KCNQ5: variants seen among roughly 807,000 people sequenced by gnomAD.
KCNQ5 encodes the protein potassium voltage-gated channel subfamily Q member 5, also known as potassium voltage-gated channel subfamily KQT member 5.
KCNQ5 carries 30 observed loss-of-function variants against 98.2 expected under a neutral mutation model. That is an observed-to-expected ratio of 0.31 (90% CI 0.23 to 0.41). KCNQ5 has a LOEUF of 0.41. Ranked by LOEUF, KCNQ5 falls within the 10% of genes least tolerant of loss-of-function variation. KCNQ5 has a pLI of 1.00. For missense variants in KCNQ5, 835 were observed against 1,182.5 expected (o/e 0.71, Z 4.31); for synonymous variants, 458 against 449.4 (o/e 1.02, Z -0.24).
Position 72,897,052 on chromosome 6 carries a change from A to G in KCNQ5, c.399-106856A>G, listed in dbSNP as rs567897739. 2.8e-4 allele frequency among the ~76,000 whole-genome samples: 42 copies of G among 152,218 alleles called. 1 individual carries two copies. The South Asian group carries it at 7.9e-3, about 29-fold the overall frequency. On this transcript the variant is annotated intron_variant, in intron 1 of 13. Transcript: ENST00000370398. ...GGAGGTCATTCCGAGCAACATGAAA[A>G]GCAAGAAGAAGAGCCCCAACATAGA...
At chr6:72,948,545 T>C (rs545082556) in intron 1 of KCNQ5, among the ~76,000 whole-genome samples, 2 of 152,276 alleles carry the variant, frequency 1.3e-5, no homozygotes, top group Non-Finnish European at 2.9e-5. Flanking sequence ...TCTCAAGGTA[T>C]GTATTATAAG....
intron 1 of KCNQ5, among the ~76,000 whole-genome samples, chr6:72,778,048 A>C (rs1561976976): frequency 6.6e-6 from 1 of 152,200 alleles, no homozygotes. Flanking sequence ...GGTAAGAGAA[A>C]AACATGAACG....
At chr6:72,811,026 G>A (rs141214331) in intron 1 of KCNQ5, among the ~76,000 whole-genome samples, 2 of 152,270 alleles carry the variant, frequency 1.3e-5, no homozygotes, top group East Asian at 3.9e-4. Context: ...AAAAAGGCAG[G>A]AAAATGTCTT....
At chr6:73,150,296 A>C (rs974530827) in intron 10 of KCNQ5, among the ~76,000 whole-genome samples, 1 of 151,838 alleles carries the variant, frequency 6.6e-6, no homozygotes, top group Admixed American at 6.6e-5. Flanking sequence ...AAAACTATTC[A>C]GTTAGTTACT....
intron 2 of KCNQ5, among the ~76,000 whole-genome samples, chr6:73,013,853 C>T (rs932049994): frequency 1.3e-5 from 2 of 152,128 alleles, no homozygotes; most frequent in African/African-American, 2.4e-5. Context: ...AACACTTTTA[C>T]TTAGGATGCT....
chr6:73,026,314 C>T (rs561371373), intron 2 of KCNQ5, among the ~76,000 whole-genome samples: 7 of 152,346 alleles, frequency 4.6e-5, no homozygotes, highest in African/African-American at 1.7e-4. Context: ...ATCCTCACCT[C>T]CTATCCCTCT....
chr6:73,145,898 C>T (rs146727468), intron 10 of KCNQ5, among the ~76,000 whole-genome samples: 1 of 152,218 alleles, frequency 6.6e-6, no homozygotes, highest in Non-Finnish European at 1.5e-5. Context: ...GGGAAGGAAG[C>T]GTGTCTTTAC....
rs544272165 is a variant in KCNQ5 at position 73,091,993 on chromosome 6, T to C, written c.919-13264T>C. 1.9e-3 allele frequency among the ~76,000 whole-genome samples: 283 copies of C among 152,266 alleles called. 1 individual carries two copies. Among genetic ancestry groups the C allele is most frequent in the Non-Finnish European group, 3.4e-3 (230 of 68,016 alleles). Reference sequence around the variant, plus strand: ...GATATGTTTCCATTTGTTTGTGTCATCTATGATTTCTTTCAGCAGTGTTTT... The same window carrying C: ...GATATGTTTCCATTTGTTTGTGTCACCTATGATTTCTTTCAGCAGTGTTTT... On this transcript the variant is annotated intron_variant, in intron 5 of 13. Transcript: ENST00000370398.
intron 1 of KCNQ5, among the ~76,000 whole-genome samples, chr6:72,746,063 GC>G (rs1771381993): frequency 2.1e-5 from 1 of 48,430 alleles, no homozygotes; most frequent in African/African-American, 9.7e-5. Flanking sequence ...GACTCTATTT[GC>G]AAAAAAAAAA....
chr6:73,114,845 G>A (rs1775418812), intron 7 of KCNQ5, among the ~76,000 whole-genome samples: 2 of 152,168 alleles, frequency 1.3e-5, no homozygotes, highest in Admixed American at 6.5e-5. Flanking sequence ...ATGTTGCTTT[G>A]ATGCCAACTG....
At chr6:72,662,620 A>G (rs12191848) in intron 1 of KCNQ5, among the ~76,000 whole-genome samples, 26,210 of 151,732 alleles carry the variant, frequency 0.17, 2,349 homozygotes, top group Middle Eastern at 0.27. Flanking sequence ...TTTTTTTACA[A>G]TACCTAAGTA....
chr6:72,981,849 G>A (rs183372756), intron 1 of KCNQ5, among the ~76,000 whole-genome samples: 4 of 152,038 alleles, frequency 2.6e-5, no homozygotes, highest in East Asian at 1.9e-4. Flanking sequence ...AGAGATTCTG[G>A]TTGTGTCTTT....
At chr6:72,972,090 G>A (rs573638873) in intron 1 of KCNQ5, among the ~76,000 whole-genome samples, 1 of 152,280 alleles carries the variant, frequency 6.6e-6, no homozygotes. Context: ...TGGGGTCAAA[G>A]GCTGTATTGC....
At chr6:73,172,362 CAAAAAT>C (rs140148151) in intron 11 of KCNQ5, among the ~76,000 whole-genome samples, 8 of 151,714 alleles carry the variant, frequency 5.3e-5, no homozygotes, top group African/African-American at 1.9e-4. Context: ...GACTCTGTCT[CAAAAAT>C]AAAAATAAAA....
intron 1 of KCNQ5, among the ~76,000 whole-genome samples, chr6:72,709,955 T>C (rs1461246915): frequency 6.6e-6 from 1 of 152,114 alleles, no homozygotes; most frequent in Non-Finnish European, 1.5e-5. Flanking sequence ...AATATTATCA[T>C]GGTGGGTGGT....
At chr6:72,744,736 G>A (rs371033440) in intron 1 of KCNQ5, among the ~76,000 whole-genome samples, 35 of 151,998 alleles carry the variant, frequency 2.3e-4, no homozygotes, top group South Asian at 6.3e-4. Flanking sequence ...ACTTGAACCC[G>A]GGAGGCAGAG....
At chr6:72,759,384 G>GA (rs1772136747) in intron 1 of KCNQ5, among the ~76,000 whole-genome samples, 1 of 152,086 alleles carries the variant, frequency 6.6e-6, no homozygotes, top group African/African-American at 2.4e-5. Flanking sequence ...TACAGTAGAA[G>GA]AAAAAATGGT....
rs111597711 is a variant in KCNQ5 at position 72,732,833 on chromosome 6, C to T, written c.398+110246C>T. 1.8e-3 allele frequency among the ~76,000 whole-genome samples: 270 copies of T among 152,224 alleles called. 1 individual carries two copies. The highest frequency in any genetic ancestry group is 6.1e-3 in the African/African-American group (252 of 41,538). On this transcript the variant is annotated intron_variant, in intron 1 of 13. Transcript: ENST00000370398. The stretch of plus-strand genomic sequence containing the variant: ...AAACAAAGTAAAGAGTGGCAAGTGA[C>T]TTGCAAGTCCTTAAGGCGGGAGAAG...
At chr6:73,191,620 T>C (rs1446651151) in intron 12 of KCNQ5, among the ~76,000 whole-genome samples, 1 of 152,188 alleles carries the variant, frequency 6.6e-6, no homozygotes, top group East Asian at 1.9e-4. Flanking sequence ...AGGCATATAA[T>C]GGGCCCTTAG....
Sources: gnomAD v4.1 joint callset for allele counts (sites outside exome capture counted in the v4.1 genomes callset) on GRCh38, gnomAD v4.1.1 for gene constraint, MANE v1.5 for transcripts, NCBI Gene and HGNC (gene_info 2026-07-23, HGNC 2026-07-21) for gene names.